UBE2E2: variants seen among roughly 807,000 people sequenced by gnomAD.
UBE2E2 encodes the protein ubiquitin-conjugating enzyme E2 E2.
A neutral mutation model predicts 24.7 loss-of-function variants in UBE2E2; 6 were observed. The observed-to-expected ratio is 0.24, with a 90% CI of 0.13 to 0.48. The LOEUF is 0.48. Ranked by LOEUF, UBE2E2 falls within the 20% of genes least tolerant of loss-of-function variation. The pLI, the probability that UBE2E2 is intolerant of heterozygous loss-of-function variation, is 0.99. For synonymous variants in UBE2E2, 104 were observed against 83.6 expected (o/e 1.24, Z -1.33); for missense variants, 169 against 245.0 (o/e 0.69, Z 2.07).
At chr3:23,478,967 A>G (rs1465847099) in intron 3 of UBE2E2, among the ~76,000 whole-genome samples, 1 of 151,820 alleles carries the variant, frequency 6.6e-6, no homozygotes, top group Non-Finnish European at 1.5e-5. Flanking sequence ...TTGAGGTGGG[A>G]GGATTGCTTG....
intron 3 of UBE2E2, among the ~76,000 whole-genome samples, chr3:23,402,263 A>G (rs942895726): frequency 1.9e-4 from 29 of 152,234 alleles, no homozygotes; most frequent in African/African-American, 6.8e-4. Context: ...GAACAAGACT[A>G]GAACATTATG....
intron 3 of UBE2E2, among the ~76,000 whole-genome samples, chr3:23,317,918 C>G (rs1442125369): frequency 6.6e-6 from 1 of 151,732 alleles, no homozygotes; most frequent in Non-Finnish European, 1.5e-5. Flanking sequence ...TGTGATCGCT[C>G]ACCTGATTTT....
rs542330376 is a variant in UBE2E2, at chr3:23,471,371, C to T, written c.228-28237C>T. Among the ~76,000 whole-genome samples, 3 of 152,128 alleles carry T rather than the reference C, an allele frequency of 2.0e-5. No individual in the cohort carries two copies. In the South Asian group the frequency reaches 6.3e-4, roughly 32 times the overall value. The stretch of plus-strand genomic sequence containing the variant: ...TCAAAGCTAAGTATCCTTATAAACC[C>T]CCAAATACTAGCAGGTAAGGACAAA... On this transcript the variant is annotated intron_variant, in intron 3 of 5. Transcript: ENST00000396703.
At chr3:23,375,789 C>T (rs1475718620) in intron 3 of UBE2E2, among the ~76,000 whole-genome samples, 4 of 152,066 alleles carry the variant, frequency 2.6e-5, no homozygotes, top group Non-Finnish European at 5.9e-5. Flanking sequence ...TTTTTTAAAC[C>T]CTTAACAAGT....
At chr3:23,573,323 C>T (rs930786451) in intron 5 of UBE2E2, among the ~76,000 whole-genome samples, 1 of 152,086 alleles carries the variant, frequency 6.6e-6, no homozygotes, top group African/African-American at 2.4e-5. Context: ...TATAAACATG[C>T]ATCAAACCAG....
chr3:23,270,836 T>A, intron 3 of UBE2E2: 1 of 446,112 alleles, frequency 2.2e-6, no homozygotes, highest in East Asian at 7.0e-5. Context: ...GGTGTGCAAT[T>A]GTTTTTCTCA....
intron 5 of UBE2E2, among the ~76,000 whole-genome samples, chr3:23,551,162 C>T (rs1257902383): frequency 2.6e-5 from 4 of 152,096 alleles, no homozygotes; most frequent in South Asian, 4.1e-4. Flanking sequence ...ATAAAAATTG[C>T]AGTGTTCAAC....
At chr3:23,291,849 A>ATTTAT (rs1181397776) in intron 3 of UBE2E2, among the ~76,000 whole-genome samples, 4 of 64,054 alleles carry the variant, frequency 6.2e-5, no homozygotes, top group Non-Finnish European at 1.0e-4. Flanking sequence ...TGCCCGGCTA[A>ATTTAT]TTTTTTTTTT....
intron 5 of UBE2E2, among the ~76,000 whole-genome samples, chr3:23,555,776 C>T (rs1489162548): frequency 6.6e-6 from 1 of 152,146 alleles, no homozygotes; most frequent in East Asian, 1.9e-4. Context: ...AAGCCAGACA[C>T]AGAAAACTAT....
intron 3 of UBE2E2, among the ~76,000 whole-genome samples, chr3:23,497,096 C>T (rs1438555650): frequency 2.0e-5 from 3 of 152,018 alleles, no homozygotes; most frequent in African/African-American, 7.2e-5. Context: ...TTATTGTTAC[C>T]CTGAGTTTAC....
intron 4 of UBE2E2, among the ~76,000 whole-genome samples, chr3:23,500,240 T>C (rs1426841488): frequency 1.3e-5 from 2 of 152,230 alleles, no homozygotes; most frequent in Admixed American, 1.3e-4. Flanking sequence ...TGGACTAGTA[T>C]GGAAAGTATG....
chr3:23,446,008 C>G (rs952472645), intron 3 of UBE2E2, among the ~76,000 whole-genome samples: 9 of 152,032 alleles, frequency 5.9e-5, no homozygotes, highest in African/African-American at 1.9e-4. Flanking sequence ...GAGAGAGACC[C>G]CATTTCTTAA....
At chr3:23,334,892 T>C (rs986437701) in intron 3 of UBE2E2, among the ~76,000 whole-genome samples, 1 of 152,242 alleles carries the variant, frequency 6.6e-6, no homozygotes, top group Non-Finnish European at 1.5e-5. Flanking sequence ...CTGTCTGTTC[T>C]GTTTGAAATT....
At chr3:23,315,536 C>T (rs1694550056) in intron 3 of UBE2E2, among the ~76,000 whole-genome samples, 2 of 152,036 alleles carry the variant, frequency 1.3e-5, no homozygotes, top group African/African-American at 4.8e-5. Context: ...ATCTTGAGTT[C>T]ATTCAAAACA....
chr3:23,552,762 A>G (rs1295696969), intron 5 of UBE2E2, among the ~76,000 whole-genome samples: 1 of 152,176 alleles, frequency 6.6e-6, no homozygotes, highest in Non-Finnish European at 1.5e-5. Flanking sequence ...ATGCAAGTAC[A>G]TTCTGAAATG....
intron 3 of UBE2E2, among the ~76,000 whole-genome samples, chr3:23,277,795 T>A (rs878862177): frequency 6.6e-6 from 1 of 152,116 alleles, no homozygotes; most frequent in Non-Finnish European, 1.5e-5. Flanking sequence ...ATTGGTGCCA[T>A]TCAAAGCACT....
intron 3 of UBE2E2, among the ~76,000 whole-genome samples, chr3:23,229,849 A>G (rs1232630509): frequency 2.0e-5 from 3 of 152,190 alleles, no homozygotes; most frequent in Non-Finnish European, 4.4e-5. Context: ...TTTAATTTTA[A>G]TTTAGATACC....
intron 3 of UBE2E2, among the ~76,000 whole-genome samples, chr3:23,448,462 T>TTC (rs1307737388): frequency 6.6e-6 from 1 of 152,212 alleles, no homozygotes; most frequent in Non-Finnish European, 1.5e-5. Context: ...CTATTAGGAA[T>TTC]AGTCTACTAA....
intron 3 of UBE2E2, among the ~76,000 whole-genome samples, chr3:23,380,356 G>T (rs1459490607): frequency 6.6e-6 from 1 of 152,186 alleles, no homozygotes; most frequent in Admixed American, 6.5e-5. Flanking sequence ...ACAGGCACAT[G>T]CCGTGACTAC....
Sources: allele counts gnomAD v4.1 joint callset (sites outside exome capture counted in the v4.1 genomes callset), GRCh38; gene constraint gnomAD v4.1.1; transcripts MANE v1.5; gene names NCBI Gene and HGNC (gene_info 2026-07-23, HGNC 2026-07-21).